Variants in FAM107B observed in about 807,000 individuals in gnomAD.
FAM107B encodes protein FAM107B.
A neutral mutation model predicts 31.5 loss-of-function variants in FAM107B; 21 were observed. That is an observed-to-expected ratio of 0.67 (90% CI 0.47 to 0.96). The LOEUF (loss-of-function observed/expected upper bound fraction) is 0.96. Ranked by LOEUF, FAM107B falls within the 40% of genes least tolerant of loss-of-function variation. The pLI is 0.00. For synonymous variants in FAM107B, 157 were observed against 141.5 expected (o/e 1.11, Z -0.78); for missense variants, 452 against 377.1 (o/e 1.20, Z -1.64).
At chr10:14,712,600 C>T (rs1347850134) in intron 1 of FAM107B, among the ~76,000 whole-genome samples, 1 of 136,660 alleles carries the variant, frequency 7.3e-6, no homozygotes, top group East Asian at 2.1e-4. Flanking sequence ...GTCCCCTGCC[C>T]TGACTCCCAC....
chr10:14,663,075 C>T (rs1854289624), intron 2 of FAM107B, among the ~76,000 whole-genome samples: 1 of 152,226 alleles, frequency 6.6e-6, no homozygotes, highest in Admixed American at 6.5e-5. Flanking sequence ...GAACATTAGA[C>T]TCAAAGTTCT....
intron 2 of FAM107B, among the ~76,000 whole-genome samples, chr10:14,578,227 G>C (rs528902789): frequency 2.0e-5 from 3 of 152,152 alleles, no homozygotes; most frequent in Non-Finnish European, 4.4e-5. Context: ...AGTTCCCTGA[G>C]GGCGAATATC....
At chr10:14,559,067 C>G (rs768948007) in intron 2 of FAM107B, among the ~76,000 whole-genome samples, 1 of 146,788 alleles carries the variant, frequency 6.8e-6, no homozygotes, top group Non-Finnish European at 1.5e-5. Flanking sequence ...CTTTCAACCA[C>G]GGCTCACACA....
intron 1 of FAM107B, among the ~76,000 whole-genome samples, chr10:14,771,250 CA>C (rs1833295939): frequency 6.6e-6 from 1 of 152,060 alleles, no homozygotes; most frequent in Non-Finnish European, 1.5e-5. Context: ...TCACAGGATG[CA>C]AAATGGACAT....
intron 3 of FAM107B, among the ~76,000 whole-genome samples, chr10:14,528,988 A>G (rs866738547): frequency 6.6e-5 from 10 of 152,232 alleles, no homozygotes; most frequent in Admixed American, 2.6e-4. Context: ...TAAGTCTCCT[A>G]CCTTACACTT....
At chr10:14,587,753 A>G (rs1026440199) in intron 2 of FAM107B, among the ~76,000 whole-genome samples, 2 of 152,212 alleles carry the variant, frequency 1.3e-5, no homozygotes, top group Non-Finnish European at 2.9e-5. Context: ...GGTGGGTGAC[A>G]GTAAAGGACA....
chr10:14,562,043 C>A (rs78252266), intron 2 of FAM107B, among the ~76,000 whole-genome samples: 13,734 of 152,178 alleles, frequency 0.09, 796 homozygotes, highest in East Asian at 0.24. Flanking sequence ...GCCTTGGCCT[C>A]CCAAAGTGGT....
rs532270179 is a variant in FAM107B at position 14,670,136 on chromosome 10, T to C, written c.412-2445A>G. On this transcript the variant is annotated intron_variant, in intron 1 of 4. Transcript: ENST00000181796. ...TGGTTTCATTAAATTGCCATAATTA[T>C]CAACTTAGAAGTGAATTGATTTCAC... Among the ~76,000 whole-genome samples, 169 of 152,348 alleles carry C rather than the reference T, an allele frequency of 1.1e-3. 1 individual carries two copies. The highest frequency in any genetic ancestry group is 3.9e-3 in the African/African-American group (163 of 41,588).
At chr10:14,548,430 G>A (rs1225536973) in intron 2 of FAM107B, 8 of 985,566 alleles carry the variant, frequency 8.1e-6, no homozygotes, top group Non-Finnish European at 8.4e-6. Context: ...TGGGGCGTAG[G>A]TAACAGCACC....
At chr10:14,682,186 C>T (rs909925330) in intron 1 of FAM107B, among the ~76,000 whole-genome samples, 3 of 152,092 alleles carry the variant, frequency 2.0e-5, no homozygotes, top group African/African-American at 4.8e-5. Context: ...ACTACATTGC[C>T]GAACAGTATG....
intron 2 of FAM107B, among the ~76,000 whole-genome samples, chr10:14,573,832 A>C (rs976723708): frequency 6.6e-6 from 1 of 152,132 alleles, no homozygotes; most frequent in Non-Finnish European, 1.5e-5. Flanking sequence ...CAGCATCTAT[A>C]AACAATGCTG....
At chr10:14,762,552 C>T (rs1483124052) in intron 1 of FAM107B, among the ~76,000 whole-genome samples, 1 of 152,018 alleles carries the variant, frequency 6.6e-6, no homozygotes, top group African/African-American at 2.4e-5. Flanking sequence ...GCCGGGAGTT[C>T]GAGACCAGCC....
intron 2 of FAM107B, among the ~76,000 whole-genome samples, chr10:14,541,832 A>G (rs1187121847): frequency 1.3e-5 from 2 of 152,224 alleles, no homozygotes; most frequent in Admixed American, 1.3e-4. Flanking sequence ...CAGAAGAGCT[A>G]GGAGAAAGCT....
chr10:14,604,172 A>G (rs936197205), intron 2 of FAM107B: 4 of 898,872 alleles, frequency 4.5e-6, no homozygotes, highest in Non-Finnish European at 5.3e-6. Flanking sequence ...GGGGTCGGGC[A>G]GGGCCGCCGC....
intron 1 of FAM107B, among the ~76,000 whole-genome samples, chr10:14,701,610 C>T (rs1855400251): frequency 6.6e-6 from 1 of 152,048 alleles, no homozygotes; most frequent in Admixed American, 6.6e-5. Context: ...ACAGAATCAT[C>T]GAAAGGGAAC....
At chr10:14,583,346 T>A (rs962182994) in intron 2 of FAM107B, among the ~76,000 whole-genome samples, 2 of 151,772 alleles carry the variant, frequency 1.3e-5, no homozygotes, top group South Asian at 4.2e-4. Context: ...CGGGGCAGAG[T>A]CGGAGATGAA....
chr10:14,566,499 C>T (rs761364017), intron 2 of FAM107B, among the ~76,000 whole-genome samples: 2 of 152,138 alleles, frequency 1.3e-5, no homozygotes, highest in Admixed American at 6.5e-5. Context: ...CTTCCTCAGT[C>T]GAGCCTCTGA....
intron 2 of FAM107B, among the ~76,000 whole-genome samples, chr10:14,613,002 C>G (rs185154263): frequency 5.5e-4 from 83 of 152,182 alleles, no homozygotes; most frequent in African/African-American, 1.9e-3. Context: ...GACAGAGTCT[C>G]ACTCTGTCGC....
chr10:14,730,373 C>A (rs1856145974), intron 1 of FAM107B, among the ~76,000 whole-genome samples: 1 of 152,006 alleles, frequency 6.6e-6, no homozygotes, highest in African/African-American at 2.4e-5. Context: ...GACTCTTGCC[C>A]AAGATGATAT....
Sources: allele counts gnomAD v4.1 joint callset (sites outside exome capture counted in the v4.1 genomes callset), GRCh38; gene constraint gnomAD v4.1.1; transcripts MANE v1.5; gene names NCBI Gene and HGNC (gene_info 2026-07-23, HGNC 2026-07-21).